Variants in CENPI observed in about 807,000 individuals in gnomAD.
The protein encoded by CENPI is FSH primary response 1.
CENPI carries 4 observed loss-of-function variants against 60.4 expected under a neutral mutation model. The observed-to-expected ratio is 0.07, with a 90% CI of 0.03 to 0.15. The LOEUF is 0.15. Ranked by LOEUF, CENPI falls within the 10% of genes least tolerant of loss-of-function variation. CENPI has a pLI of 1.00. For missense variants in CENPI, 444 were observed against 534.5 expected (o/e 0.83, Z 1.67); for synonymous variants, 157 against 189.4 (o/e 0.83, Z 1.40).
chrX:101,155,947 A>G lies in CENPI; in HGVS notation c.2095-5581A>G, dbSNP rs150745626. Among the ~76,000 whole-genome samples, 798 of 112,178 alleles carry G rather than the reference A, an allele frequency of 7.1e-3. 7 individuals carry two copies. Among genetic ancestry groups the G allele is most frequent in the African/African-American group, 0.025 (769 of 30,951 alleles). On this transcript the variant is annotated intron_variant, in intron 20 of 21. Transcript: ENST00000682095. ...TCAAGTGCAGTCATAAATATTTGCA[A>G]TGATAATAATTATTATGATGATGCT...
At chrX:101,117,680 T>G (rs757978641) in intron 6 of CENPI, among the ~76,000 whole-genome samples, 19 of 111,109 alleles carry the variant, frequency 1.7e-4, no homozygotes, top group African/African-American at 5.9e-4. Flanking sequence ...TTTTTTATTA[T>G]AATAGATCCT....
Position 101,128,848 on chromosome X carries a change from G to A in CENPI, c.1195+12G>A. ...AACATTACAAGAAGGTAAGAATTGA[G>A]TGAGGATGGACCAAGATAGTTAACA... On this transcript the variant is annotated intron_variant, in intron 12 of 21. Coordinates refer to ENST00000682095, the MANE Select transcript of CENPI (RefSeq NM_001386188.2). 8.3e-7 allele frequency: 1 copy of A among 1,204,771 alleles called. No homozygotes were observed.
At chrX:101,131,150 T>G (rs2089792146) in intron 13 of CENPI, among the ~76,000 whole-genome samples, 1 of 109,411 alleles carries the variant, frequency 9.1e-6, no homozygotes, top group Non-Finnish European at 1.9e-5. Flanking sequence ...CCACCACTCC[T>G]GGCTATTTTT....
chrX:101,126,341 C>T (rs1342372441), intron 8 of CENPI, among the ~76,000 whole-genome samples: 1 of 112,135 alleles, frequency 8.9e-6, no homozygotes, highest in African/African-American at 3.2e-5. Context: ...CTGGTCCTGT[C>T]TCCTTGAGGT....
At chrX:101,173,314 C>CTTTTTTT in the CENPI span, among the ~76,000 whole-genome samples, 1 of 50,506 alleles carries the variant, frequency 2.0e-5, no homozygotes, top group Non-Finnish European at 3.3e-5. Flanking sequence ...TGCCTGGCCT[C>CTTTTTTT]TTTTTTTTTT....
At position 101,162,974 on chromosome X, in the gene CENPI, G is replaced by A. The variant is rs1390780134; in HGVS notation, c.*7G>A. Reference sequence around the variant, plus strand: ...CTGCAACAATCAATATTAAATGAATGTTGACATAAACTGAACACACTGGAC... The same window carrying A: ...CTGCAACAATCAATATTAAATGAATATTGACATAAACTGAACACACTGGAC... On this transcript the variant is annotated 3_prime_UTR_variant, in exon 22 of 22. Transcript: ENST00000682095. The A allele has an allele frequency of 3.3e-6, 4 of 1,204,913 alleles. No individual in the cohort carries two copies. The highest frequency in any genetic ancestry group is 3.5e-5 in the African/African-American group (2 of 56,890).
rs147953884 is a variant in CENPI at position 101,146,424 on chromosome X, G to A, written c.1826+147G>A. 6.8e-3 allele frequency: 3,466 copies of A among 507,017 alleles called. 82 individuals are homozygous for A. In the African/African-American group the frequency reaches 0.074, roughly 11 times the overall value. The allele number at this position is 507,017 out of a possible 1,213,427, so 41.8% of individuals were successfully genotyped here. On this transcript the variant is annotated intron_variant, in intron 18 of 21. Coordinates refer to ENST00000682095, the MANE Select transcript of CENPI (RefSeq NM_001386188.2). ...GGCTTGCTTTTGGACATGACCTTCC[G>A]ATATGGGGCCATGGTAGCTGTGTTT...
chrX:101,147,622 C>T, intron 18 of CENPI, 141 bp from the exon 19 acceptor site: 1 of 485,464 alleles, frequency 2.1e-6, no homozygotes, highest in Admixed American at 4.4e-5. Flanking sequence ...AAATCCTTAA[C>T]TAGACAACTG....
At chrX:101,139,088 C>CTTTTTTT (rs1281553958) in intron 15 of CENPI, among the ~76,000 whole-genome samples, 2 of 66,953 alleles carry the variant, frequency 3.0e-5, no homozygotes, top group Non-Finnish European at 5.3e-5. Flanking sequence ...CGCGCCCGAC[C>CTTTTTTT]TTTTTTTTTT....
chrX:101,127,761 G>A, intron 11 of CENPI, 96 bp downstream of exon 11: 1 of 685,598 alleles, frequency 1.5e-6, no homozygotes, highest in Non-Finnish European at 2.2e-6. Context: ...TTTTGAGATA[G>A]GGTCTTACCT....
chrX:101,163,396 A>C lies in CENPI; in HGVS notation c.*429A>C. 1 of 132,349 alleles carries C rather than the reference A, an allele frequency of 7.6e-6. No homozygotes were observed. Among genetic ancestry groups the C allele is most frequent in the Non-Finnish European group, 1.5e-5 (1 of 67,132 alleles). The allele number at this position is 132,349 out of a possible 1,213,427, so 10.9% of individuals were successfully genotyped here. A position where few individuals can be genotyped will look rare whatever the true frequency, so the allele number is the denominator to read the frequency against. ...CATTTTTCTTACTGTGAGCAACAGC[A>C]CCAACACCAAGTTAACAGGATGCAA... On this transcript the variant is annotated 3_prime_UTR_variant, in exon 22 of 22. Transcript: ENST00000682095.
intron 6 of CENPI, among the ~76,000 whole-genome samples, chrX:101,113,362 T>C (rs1228682379): frequency 3.8e-5 from 4 of 105,049 alleles, no homozygotes; most frequent in Non-Finnish European, 7.8e-5. Flanking sequence ...AGTTTCACTC[T>C]TGTTGCCCAG....
At chrX:101,153,692 A>G (rs1000338832) in intron 20 of CENPI, among the ~76,000 whole-genome samples, 8 of 111,803 alleles carry the variant, frequency 7.2e-5, no homozygotes, top group African/African-American at 2.6e-4. Context: ...AATTTGCAAA[A>G]GTTTTCTCCA....
At chrX:101,158,901 G>T (rs1360492302) in intron 20 of CENPI, among the ~76,000 whole-genome samples, 3 of 111,802 alleles carry the variant, frequency 2.7e-5, no homozygotes, top group Non-Finnish European at 5.6e-5. Flanking sequence ...AAAGTGCTGG[G>T]ATTATAGGCA....
chrX:101,145,110 C>G lies in CENPI; in HGVS notation c.1612C>G (p.His538Asp). Reference sequence around the variant, plus strand: ...CATGAACTCTGTGTCTAAACTGATCCACTATGTAGGGTGGCTATCCACTAC... The same window carrying G: ...CATGAACTCTGTGTCTAAACTGATCGACTATGTAGGGTGGCTATCCACTAC... ...GSMNSVSKLI[H>D]YVGWLSTTAM... The change falls in exon 17 of 22, where the codon CAC becomes GAC. Residue 538 changes from histidine (H) to aspartate (D), a missense_variant. Physicochemically the swap from His to Asp is moderately conservative, Grantham distance 81. Transcript: ENST00000682095. The G allele has an allele frequency of 8.3e-7, 1 of 1,202,798 alleles. No homozygotes were observed.
intron 20 of CENPI, among the ~76,000 whole-genome samples, chrX:101,153,281 G>A (rs2090023896): frequency 1.9e-5 from 2 of 103,400 alleles, no homozygotes; most frequent in Admixed American, 1.1e-4. Context: ...TTTTTAAAAA[G>A]TTTTTATATT....
At chrX:101,099,305 G>A (rs2089383610) in intron 2 of CENPI, among the ~76,000 whole-genome samples, 1 of 109,835 alleles carries the variant, frequency 9.1e-6, no homozygotes, top group South Asian at 3.9e-4. Flanking sequence ...GTGTGCGCCT[G>A]TAATTCCACC....
chrX:101,099,064 G>T (rs758168004), intron 2 of CENPI, among the ~76,000 whole-genome samples: 62 of 74,553 alleles, frequency 8.3e-4, no homozygotes, highest in Non-Finnish European at 1.4e-3. Flanking sequence ...CTTTCTTTCT[G>T]TCTCTGTCTG....
chrX:101,103,405 A>G (rs112164210), intron 4 of CENPI, among the ~76,000 whole-genome samples: 48,082 of 108,854 alleles, frequency 0.44, 7,850 homozygotes, highest in Middle Eastern at 0.53. Context: ...GCAGTGGTGC[A>G]ATCTTGGCTC....
Sources: allele counts gnomAD v4.1 joint callset (sites outside exome capture counted in the v4.1 genomes callset), GRCh38; gene constraint gnomAD v4.1.1; transcripts MANE v1.5; gene names NCBI Gene and HGNC (gene_info 2026-07-23, HGNC 2026-07-21).